XYLT1: variants seen among roughly 807,000 people sequenced by gnomAD.
XYLT1 encodes xylosyltransferase 1.
XYLT1 carries 36 observed loss-of-function variants against 91.3 expected under a neutral mutation model. The observed-to-expected ratio is 0.39, with a 90% CI of 0.30 to 0.52. The LOEUF (loss-of-function observed/expected upper bound fraction) is 0.52, where lower values mean the gene tolerates loss of function less well. XYLT1 is among the 20% of genes least tolerant of loss of function. The pLI is 0.68. For missense variants in XYLT1, 1,242 were observed against 1,284.5 expected (o/e 0.97, Z 0.51); for synonymous variants, 588 against 532.0 (o/e 1.11, Z -1.45).
chr16:17,228,611 AGGAGGCTTCTGATCGGT>A lies in XYLT1; in HGVS notation c.914-27974_914-27958del, dbSNP rs1395617849. 2.6e-5 allele frequency among the ~76,000 whole-genome samples: 4 copies of A among 152,078 alleles called. 1 individual carries two copies. Among genetic ancestry groups the A allele is most frequent in the Non-Finnish European group, 2.9e-5 (2 of 67,996 alleles). ...GTGATTGGAGGAGGCTTGTGATTGG[AGGAGGCTTCTGATCGGT>A]GGAGGCTTGTGATTGGAGAAGGCTT... On this transcript the variant is annotated intron_variant, in intron 3 of 11. Transcript: ENST00000261381.
intron 1 of XYLT1, among the ~76,000 whole-genome samples, chr16:17,368,173 T>G: frequency 6.6e-6 from 1 of 150,898 alleles, no homozygotes; most frequent in African/African-American, 2.4e-5. Context: ...AGGTGGGGAG[T>G]GGAGAGCTTT....
At chr16:17,300,982 G>A (rs1039245431) in intron 2 of XYLT1, among the ~76,000 whole-genome samples, 1 of 151,968 alleles carries the variant, frequency 6.6e-6, no homozygotes, top group Non-Finnish European at 1.5e-5. Flanking sequence ...ACCTCTCTGG[G>A]CCTCCGTTCC....
intron 1 of XYLT1, among the ~76,000 whole-genome samples, chr16:17,367,061 T>C (rs905325324): frequency 6.6e-6 from 1 of 152,124 alleles, no homozygotes; most frequent in Non-Finnish European, 1.5e-5. Context: ...TTTCCAGTGG[T>C]TAATGGTAAT....
intron 2 of XYLT1, among the ~76,000 whole-genome samples, chr16:17,269,208 AG>A (rs1401676892): frequency 1.3e-5 from 2 of 151,086 alleles, no homozygotes; most frequent in Admixed American, 6.6e-5. Flanking sequence ...TTTTTGAGAC[AG>A]GGTCTCATTT....
At position 17,461,191 on chromosome 16, in the gene XYLT1, C is replaced by T. The variant is rs891472766; in HGVS notation, c.363+9243G>A. ...AGCTTGGGCCCCATGAGCAGAGCAG[C>T]CCAGGCCTCATGGACAGTTCTGGGA... On this transcript the variant is annotated intron_variant, in intron 1 of 11. Coordinates refer to ENST00000261381, the MANE Select transcript of XYLT1 (RefSeq NM_022166.4). 3.9e-5 allele frequency among the ~76,000 whole-genome samples: 6 copies of T among 152,206 alleles called. 1 individual carries two copies. The highest frequency in any genetic ancestry group is 8.8e-5 in the Non-Finnish European group (6 of 68,032).
chr16:17,426,555 A>G (rs1383505467), intron 1 of XYLT1, among the ~76,000 whole-genome samples: 4 of 152,208 alleles, frequency 2.6e-5, no homozygotes, highest in Non-Finnish European at 5.9e-5. Flanking sequence ...ATCTCAAAAA[A>G]TAAATAAATA....
At chr16:17,386,488 G>A (rs1218790583) in intron 1 of XYLT1, among the ~76,000 whole-genome samples, 1 of 152,158 alleles carries the variant, frequency 6.6e-6, no homozygotes, top group Admixed American at 6.5e-5. Flanking sequence ...CTAGATACTT[G>A]ATGGAGAGGT....
At chr16:17,123,054 T>C (rs2030130893) in intron 10 of XYLT1, among the ~76,000 whole-genome samples, 1 of 152,220 alleles carries the variant, frequency 6.6e-6, no homozygotes, top group Non-Finnish European at 1.5e-5. Context: ...GTTTTGGCTA[T>C]GCAGGCTCTT....
chr16:17,110,254 G>A (rs1966835702), intron 11 of XYLT1, among the ~76,000 whole-genome samples: 1 of 152,194 alleles, frequency 6.6e-6, no homozygotes, highest in Non-Finnish European at 1.5e-5. Flanking sequence ...TATACTAAGT[G>A]CTGGGAAAAG....
At chr16:17,189,674 A>G (rs2032265777) in intron 5 of XYLT1, among the ~76,000 whole-genome samples, 1 of 152,256 alleles carries the variant, frequency 6.6e-6, no homozygotes, top group African/African-American at 2.4e-5. Flanking sequence ...TACGATGCAG[A>G]TGAACCTCAA....
intron 1 of XYLT1, among the ~76,000 whole-genome samples, chr16:17,358,574 C>T (rs1206451152): frequency 6.6e-6 from 1 of 152,162 alleles, no homozygotes; most frequent in Admixed American, 6.5e-5. Context: ...CCCAACACTT[C>T]CTCTCACGCA....
At chr16:17,434,575 G>C (rs950437641) in intron 1 of XYLT1, among the ~76,000 whole-genome samples, 1 of 152,156 alleles carries the variant, frequency 6.6e-6, no homozygotes, top group Non-Finnish European at 1.5e-5. Flanking sequence ...AAAACAATGG[G>C]GCCAGGCACA....
At chr16:17,137,096 G>C (rs867332117) in intron 8 of XYLT1, among the ~76,000 whole-genome samples, 1 of 152,152 alleles carries the variant, frequency 6.6e-6, no homozygotes, top group South Asian at 2.1e-4. Context: ...GCCAGCTTAA[G>C]GTGGCTGGAG....
intron 3 of XYLT1, chr16:17,249,528 A>T (rs2033501688): frequency 6.6e-6 from 1 of 152,266 alleles, no homozygotes; most frequent in African/African-American, 2.4e-5. Context: ...AAATGAATAA[A>T]GGAATTCAGC....
At chr16:17,321,342 CTTTTTTTTTTTTTTTT>C (rs10606202) in intron 2 of XYLT1, among the ~76,000 whole-genome samples, 18 of 43,622 alleles carry the variant, frequency 4.1e-4, no homozygotes, top group African/African-American at 9.1e-4. Flanking sequence ...ACTAACTAGC[CTTTTTTTTTTTTTTTT>C]TTTTTTTTTT....
At chr16:17,160,141 A>G (rs959210971) in intron 5 of XYLT1, among the ~76,000 whole-genome samples, 4 of 152,220 alleles carry the variant, frequency 2.6e-5, no homozygotes, top group African/African-American at 7.2e-5. Flanking sequence ...TCCATGACTG[A>G]GTCAGCTGTG....
intron 1 of XYLT1, among the ~76,000 whole-genome samples, chr16:17,378,132 T>G (rs1330481002): frequency 6.6e-6 from 1 of 152,126 alleles, no homozygotes; most frequent in African/African-American, 2.4e-5. Context: ...TGTTCGAGAA[T>G]GAAACGTCAG....
At chr16:17,157,007 G>A (rs1295769288) in intron 6 of XYLT1, among the ~76,000 whole-genome samples, 1 of 151,590 alleles carries the variant, frequency 6.6e-6, no homozygotes, top group Admixed American at 6.6e-5. Flanking sequence ...GAGTGCAGTG[G>A]TACAATCTCC....
chr16:17,185,278 G>T (rs1410465178), intron 5 of XYLT1, among the ~76,000 whole-genome samples: 1 of 152,230 alleles, frequency 6.6e-6, no homozygotes, highest in African/African-American at 2.4e-5. Flanking sequence ...TGTGACTAGA[G>T]GCAAACAAAA....
Sources: allele counts gnomAD v4.1 joint callset (sites outside exome capture counted in the v4.1 genomes callset), GRCh38; gene constraint gnomAD v4.1.1; transcripts MANE v1.5; gene names NCBI Gene and HGNC (gene_info 2026-07-23, HGNC 2026-07-21).